Variants in CC2D2B observed in about 807,000 individuals in gnomAD.
CC2D2B encodes coiled-coil and C2 domain containing 2B, also known as protein CC2D2B.
In CC2D2B, 128 loss-of-function variants were observed where a neutral mutation model predicts 161.2. The observed-to-expected ratio is 0.79, with a 90% CI of 0.69 to 0.92. The LOEUF (loss-of-function observed/expected upper bound fraction) is 0.92. CC2D2B is among the 40% of genes least tolerant of loss of function. CC2D2B has a pLI of 0.00. For missense variants in CC2D2B, 1,173 were observed against 1,375.1 expected (o/e 0.85, Z 2.32); for synonymous variants, 391 against 449.8 (o/e 0.87, Z 1.65).
chr10:95,930,814 G>A (rs993803903), intron 6 of CC2D2B, among the ~76,000 whole-genome samples: 5 of 152,080 alleles, frequency 3.3e-5, no homozygotes, highest in South Asian at 2.1e-4. Context: ...TTTTTGCATC[G>A]ATGTTCATCA....
In CC2D2B at chr10:96,025,155, ATATATATAT is replaced by A. The variant is rs1321389079; in HGVS notation, c.3947+245_3947+253del. Among the ~76,000 whole-genome samples, 145 of 41,412 alleles carry A rather than the reference ATATATATAT, an allele frequency of 3.5e-3. 6 individuals are homozygous for A. Among genetic ancestry groups the A allele is most frequent in the East Asian group, 0.025 (24 of 960 alleles). The allele number at this position is 41,412 out of a possible 152,430, so 27.2% of individuals were successfully genotyped here. On this transcript the variant is annotated intron_variant, in intron 33 of 34. Transcript: ENST00000646931. ...GAGACGTCATCTCTACTAAAAAAAA[ATATATATAT>A]ATATATATATATATATATATAAAAA...
At chr10:96,024,766 C>A in intron 32 of CC2D2B, 87 bp from the exon 33 acceptor site, 1 of 716,598 alleles carries the variant, frequency 1.4e-6, no homozygotes, top group Admixed American at 2.4e-5. Flanking sequence ...GGTTTGTCTT[C>A]CTCCTTATTA....
intron 25 of CC2D2B, among the ~76,000 whole-genome samples, chr10:96,008,290 A>G (rs1483699234): frequency 6.6e-6 from 1 of 151,864 alleles, no homozygotes; most frequent in East Asian, 1.9e-4. Context: ...CCATTGATAA[A>G]CATGCATTTC....
At chr10:95,978,083 C>A (rs2077383098) in intron 17 of CC2D2B, among the ~76,000 whole-genome samples, 1 of 151,998 alleles carries the variant, frequency 6.6e-6, no homozygotes, top group Admixed American at 6.6e-5. Flanking sequence ...TATTATGTAT[C>A]TTTAACCTTA....
chr10:95,924,732 C>A (rs1480762598), intron 4 of CC2D2B, 47 bp from the exon 5 acceptor site: 1 of 1,252,210 alleles, frequency 8.0e-7, no homozygotes, highest in Admixed American at 2.2e-5. Flanking sequence ...GACTTATGAG[C>A]ACAATTATGT....
chr10:96,008,308 G>A (rs1037936911), intron 25 of CC2D2B, among the ~76,000 whole-genome samples: 54 of 150,648 alleles, frequency 3.6e-4, no homozygotes, highest in African/African-American at 1.3e-3. Flanking sequence ...TTCATTGCTT[G>A]TTTATATATT....
intron 33 of CC2D2B, among the ~76,000 whole-genome samples, chr10:96,026,157 A>C (rs2079764898): frequency 6.6e-6 from 1 of 152,208 alleles, no homozygotes; most frequent in South Asian, 2.1e-4. Context: ...GTTGCACTAT[A>C]AACTCAGCTA....
At chr10:95,982,689 T>C (rs560880332) in intron 18 of CC2D2B, among the ~76,000 whole-genome samples, 1 of 152,292 alleles carries the variant, frequency 6.6e-6, no homozygotes, top group East Asian at 1.9e-4. Flanking sequence ...CTGTTAACCT[T>C]TCTTCTTCTC....
intron 6 of CC2D2B, 109 bp downstream of exon 6, chr10:95,927,441 G>A: frequency 1.6e-6 from 1 of 643,222 alleles, no homozygotes; most frequent in Non-Finnish European, 2.8e-6. Context: ...TTATTATTGT[G>A]CCTTCATCTT....
intron 12 of CC2D2B, among the ~76,000 whole-genome samples, chr10:95,963,461 A>G (rs956346258): frequency 4.6e-5 from 7 of 152,120 alleles, no homozygotes; most frequent in Non-Finnish European, 7.4e-5. Context: ...TGCCTTTGAG[A>G]TATCTCTAAA....
intron 9 of CC2D2B, among the ~76,000 whole-genome samples, chr10:95,947,411 G>A (rs529642761): frequency 2.0e-4 from 29 of 148,298 alleles, no homozygotes; most frequent in Middle Eastern, 3.4e-3. Flanking sequence ...CACCACACTC[G>A]GCCTATTCCT....
In CC2D2B at chr10:95,983,596, C is replaced by T. The variant is rs967132600; in HGVS notation, c.2083-10C>T. ...ATTAATATTTTAACTAAAGACTTTG[C>T]GTTTTACAGTACATGAGACTTAAGG... On this transcript the variant is annotated splice_polypyrimidine_tract_variant and intron_variant, in intron 18 of 34. Coordinates refer to ENST00000646931, the MANE Select transcript of CC2D2B (RefSeq NM_001349008.3). 4.9e-5 allele frequency: 59 copies of T among 1,205,064 alleles called. No individual in the cohort carries two copies. Among genetic ancestry groups the T allele is most frequent in the Non-Finnish European group, 5.5e-5 (53 of 963,528 alleles). 74.6% of individuals were successfully genotyped at this position (1,205,064 alleles called of 1,614,324 possible).
At chr10:95,972,459 C>T (rs2077169696) in intron 16 of CC2D2B, among the ~76,000 whole-genome samples, 1 of 152,012 alleles carries the variant, frequency 6.6e-6, no homozygotes, top group South Asian at 2.1e-4. Flanking sequence ...GATTACAGAT[C>T]CCTGCCACCA....
chr10:95,911,517 T>A (rs1278585824), intron 2 of CC2D2B, among the ~76,000 whole-genome samples, 158 bp downstream of exon 2: 1 of 152,176 alleles, frequency 6.6e-6, no homozygotes, highest in Non-Finnish European at 1.5e-5. Context: ...GGATGAATTG[T>A]ATTCTTATTT....
chr10:95,954,060 T>G (rs1182306738), intron 10 of CC2D2B, among the ~76,000 whole-genome samples: 2 of 152,186 alleles, frequency 1.3e-5, no homozygotes, highest in Non-Finnish European at 2.9e-5. Flanking sequence ...GGAAAATGAT[T>G]GAGCAATTGA....
At chr10:95,974,191 G>A in intron 17 of CC2D2B, 35 bp downstream of exon 17, 2 of 1,170,528 alleles carry the variant, frequency 1.7e-6, no homozygotes, top group Non-Finnish European at 2.1e-6. Flanking sequence ...ATAATGCCAG[G>A]TCTCAGCAAA....
chr10:95,963,067 C>G (rs1055374053), intron 12 of CC2D2B, among the ~76,000 whole-genome samples: 3 of 152,132 alleles, frequency 2.0e-5, no homozygotes, highest in Non-Finnish European at 4.4e-5. Flanking sequence ...TCCTGACATT[C>G]AACTTTTCCA....
chr10:95,952,526 T>C (rs1381683300), intron 10 of CC2D2B: 1 of 152,142 alleles, frequency 6.6e-6, no homozygotes, highest in Non-Finnish European at 1.5e-5. Context: ...ATAAATTGGA[T>C]CTTACCATAT....
At chr10:95,967,567 A>T (rs1299283702) in intron 14 of CC2D2B, among the ~76,000 whole-genome samples, 1 of 152,228 alleles carries the variant, frequency 6.6e-6, no homozygotes, top group Non-Finnish European at 1.5e-5. Flanking sequence ...GAGAAAAATT[A>T]AAAAGAGTTT....
Sources: allele counts gnomAD v4.1 joint callset (sites outside exome capture counted in the v4.1 genomes callset), GRCh38; gene constraint gnomAD v4.1.1; transcripts MANE v1.5; gene names NCBI Gene and HGNC (gene_info 2026-07-23, HGNC 2026-07-21).